Variants in BBS4 observed in about 807,000 individuals in gnomAD.
BBS4 encodes BBSome complex member BBS4.
In BBS4, 58 loss-of-function variants were observed where a neutral mutation model predicts 71.4. The ratio of observed to expected loss-of-function variants is 0.81; its 90% confidence interval spans 0.66 to 1.01. The LOEUF (loss-of-function observed/expected upper bound fraction) is 1.01, where lower values mean the gene tolerates loss of function less well. Among genes scored for constraint, BBS4 ranks in the 50% least tolerant of loss-of-function variants. BBS4 has a pLI of 0.00. For missense variants in BBS4, 660 were observed against 607.9 expected (o/e 1.09, Z -0.90); for synonymous variants, 228 against 216.8 (o/e 1.05, Z -0.46).
At chr15:72,694,349 C>G (rs1376329888) in intron 1 of BBS4, among the ~76,000 whole-genome samples, 1 of 151,922 alleles carries the variant, frequency 6.6e-6, no homozygotes, top group Non-Finnish European at 1.5e-5. Flanking sequence ...TGCCACCATG[C>G]CGAGCTAATT....
At chr15:72,695,952 G>C (rs2065069023) in intron 2 of BBS4, among the ~76,000 whole-genome samples, 1 of 152,170 alleles carries the variant, frequency 6.6e-6, no homozygotes, top group Non-Finnish European at 1.5e-5. Context: ...TGTGTATTCT[G>C]CTCTTGTAGG....
At chr15:72,715,717 T>C (rs1455651610) in intron 5 of BBS4, among the ~76,000 whole-genome samples, 1 of 152,214 alleles carries the variant, frequency 6.6e-6, no homozygotes. Flanking sequence ...ATCCTTGGAA[T>C]TTTTCTCATC....
intron 10 of BBS4, among the ~76,000 whole-genome samples, chr15:72,731,058 ATTTTATCTTTTTTTTTTTT>A (rs1350619299): frequency 3.0e-5 from 4 of 135,240 alleles, no homozygotes; most frequent in Non-Finnish European, 6.3e-5. Flanking sequence ...AGCAAGTAAC[ATTTTATCTTTTTTTTTTTT>A]TTTTTTTTTT....
intron 15 of BBS4, 145 bp downstream of exon 15, chr15:72,737,108 G>T: frequency 9.6e-7 from 1 of 1,044,134 alleles, no homozygotes; most frequent in Non-Finnish European, 1.4e-6. Flanking sequence ...AAAACACAGG[G>T]TGGCTAAATT....
At position 72,724,520 on chromosome 15, in the gene BBS4, C is replaced by G; in HGVS notation, c.460-8C>G. 1 of 1,613,670 alleles carries G rather than the reference C, an allele frequency of 6.2e-7. No homozygotes were observed. Among genetic ancestry groups the G allele is most frequent in the Non-Finnish European group, 8.5e-7 (1 of 1,179,734 alleles). ...ATTTGGTTTTCTTTATTTTGTTAAACTTGTCAGGCACAAGACCAGTTGCAC... is the reference window on the plus strand; with the variant it reads ...ATTTGGTTTTCTTTATTTTGTTAAAGTTGTCAGGCACAAGACCAGTTGCAC... On this transcript the variant is annotated splice_region_variant and splice_polypyrimidine_tract_variant and intron_variant, in intron 7 of 15. Transcript: ENST00000268057.
At position 72,727,995 on chromosome 15, in the gene BBS4, G is replaced by A. The variant is rs1180642796; in HGVS notation, c.642+1G>A. ...AACTTTAGGATTACTCTACTTACAG[G>A]TAATGAAAACTCTGTACTCATTCAT... On this transcript the variant is annotated splice_donor_variant, in intron 9 of 15. Coordinates refer to ENST00000268057, the MANE Select transcript of BBS4 (RefSeq NM_033028.5). LOFTEE classifies it high-confidence loss of function. The A allele has an allele frequency of 1.2e-6, 2 of 1,609,722 alleles. No individual in the cohort carries two copies. The highest frequency in any genetic ancestry group is 1.1e-5 in the South Asian group (1 of 90,982).
rs2065917243 is a variant in BBS4 at position 72,736,051 on chromosome 15, G to A, written c.1248+85G>A. On this transcript the variant is annotated intron_variant, in intron 14 of 15. Coordinates refer to ENST00000268057, the MANE Select transcript of BBS4 (RefSeq NM_033028.5). ...CAAGCCCAGATCATCCAAATCCAAGGTATTACACGTTCATGGCTGTTCTGG... is the reference window on the plus strand; with the variant it reads ...CAAGCCCAGATCATCCAAATCCAAGATATTACACGTTCATGGCTGTTCTGG... 6.7e-5 allele frequency: 99 copies of A among 1,486,764 alleles called. 1 individual carries two copies. The South Asian group carries it at 1.1e-3, about 16-fold the overall frequency. The allele number at this position is 1,486,764 out of a possible 1,614,324, so 92.1% of individuals were successfully genotyped here.
At chr15:72,705,445 C>T (rs1223507182) in intron 2 of BBS4, among the ~76,000 whole-genome samples, 1 of 152,082 alleles carries the variant, frequency 6.6e-6, no homozygotes, top group African/African-American at 2.4e-5. Context: ...TGTGAAATGA[C>T]CTTCAGCACT....
At chr15:72,731,201 C>A in intron 10 of BBS4, 104 bp from the exon 11 acceptor site, 1 of 1,419,210 alleles carries the variant, frequency 7.0e-7, no homozygotes, top group Admixed American at 1.8e-5. Flanking sequence ...TTTTCCAGTC[C>A]CATCTATGCT....
At chr15:72,714,220 C>CTTTTTTTTT (rs58123834) in intron 4 of BBS4, among the ~76,000 whole-genome samples, 3 of 98,448 alleles carry the variant, frequency 3.0e-5, no homozygotes, top group Non-Finnish European at 5.6e-5. Context: ...CACTCACTTA[C>CTTTTTTTTT]TTTTTTTTTT....
intron 6 of BBS4, among the ~76,000 whole-genome samples, chr15:72,718,360 AT>A (rs781055811): frequency 2.6e-4 from 40 of 152,082 alleles, no homozygotes; most frequent in Non-Finnish European, 3.4e-4. Context: ...TCTCAGAATT[AT>A]CTTTTTCTTC....
intron 2 of BBS4, among the ~76,000 whole-genome samples, chr15:72,701,821 AT>A (rs1434198749): frequency 1.3e-5 from 2 of 152,144 alleles, no homozygotes; most frequent in Non-Finnish European, 2.9e-5. Context: ...TTTAAAAAAA[AT>A]AATAGAAAAG....
intron 9 of BBS4, among the ~76,000 whole-genome samples, chr15:72,728,629 C>T (rs1228358063): frequency 6.6e-6 from 1 of 152,072 alleles, no homozygotes; most frequent in African/African-American, 2.4e-5. Context: ...TGGGGCAAAG[C>T]CATTTCTTTT....
intron 2 of BBS4, among the ~76,000 whole-genome samples, chr15:72,696,119 C>T (rs771126832): frequency 6.6e-6 from 1 of 152,100 alleles, no homozygotes; most frequent in Non-Finnish European, 1.5e-5. Context: ...GGATTTGTTT[C>T]TACTTTCAGT....
intron 5 of BBS4, 70 bp downstream of exon 5, chr15:72,715,472 G>A: frequency 9.3e-7 from 1 of 1,079,834 alleles, no homozygotes; most frequent in Non-Finnish European, 1.4e-6. Context: ...CCTAGGTCCA[G>A]CCTGCTGCTG....
At position 72,738,352 on chromosome 15, in the gene BBS4, A is replaced by G; in HGVS notation, c.*765A>G. 2.2e-6 allele frequency: 1 copy of G among 452,822 alleles called. No homozygotes were observed. The highest frequency in any genetic ancestry group is 4.4e-6 in the Non-Finnish European group (1 of 226,384). The allele number at this position is 452,822 out of a possible 1,614,324, so 28.1% of individuals were successfully genotyped here. A position where few individuals can be genotyped will look rare whatever the true frequency, so the allele number is the denominator to read the frequency against. ...AGATAGTCAGTGATAACCACTGACCAGATGCTATCAATACACTATGTGTCC... is the reference window on the plus strand; with the variant it reads ...AGATAGTCAGTGATAACCACTGACCGGATGCTATCAATACACTATGTGTCC... On this transcript the variant is annotated 3_prime_UTR_variant, in exon 16 of 16. Transcript: ENST00000268057.
At chr15:72,696,890 T>A (rs2065086730) in intron 2 of BBS4, among the ~76,000 whole-genome samples, 1 of 151,648 alleles carries the variant, frequency 6.6e-6, no homozygotes, top group South Asian at 2.1e-4. Flanking sequence ...TGCACCTGGG[T>A]TATGTAAATT....
intron 2 of BBS4, among the ~76,000 whole-genome samples, chr15:72,703,340 G>T (rs2065210324): frequency 6.6e-6 from 1 of 152,112 alleles, no homozygotes; most frequent in Non-Finnish European, 1.5e-5. Context: ...TCCATTGCCT[G>T]TTCTCTGCAT....
chr15:72,726,686 C>T (rs570625486), intron 8 of BBS4, among the ~76,000 whole-genome samples: 18 of 152,036 alleles, frequency 1.2e-4, no homozygotes, highest in African/African-American at 4.3e-4. Flanking sequence ...TGTTAAGCTA[C>T]AGAACAGACT....
Sources: allele counts gnomAD v4.1 joint callset (sites outside exome capture counted in the v4.1 genomes callset), GRCh38; gene constraint gnomAD v4.1.1; transcripts MANE v1.5; gene names NCBI Gene and HGNC (gene_info 2026-07-23, HGNC 2026-07-21).